The following ADGRL2 variants were observed in gnomAD, a reference collection of about 807,000 sequenced individuals.
ADGRL2 encodes the protein calcium-independent alpha-latrotoxin receptor 2.
In ADGRL2, 44 loss-of-function variants were observed where a neutral mutation model predicts 157.4. The observed-to-expected ratio is 0.28, with a 90% CI of 0.22 to 0.36. The LOEUF is 0.36. Among genes scored for constraint, ADGRL2 ranks in the 10% least tolerant of loss-of-function variants. The pLI is 1.00. For missense variants in ADGRL2, 1,510 were observed against 1,768.9 expected (o/e 0.85, Z 2.63); for synonymous variants, 585 against 624.7 (o/e 0.94, Z 0.95).
intron 2 of ADGRL2, among the ~76,000 whole-genome samples, chr1:81,580,355 C>T (rs927983969): frequency 6.6e-6 from 1 of 151,798 alleles, no homozygotes; most frequent in Non-Finnish European, 1.5e-5. Context: ...AACTGTGTCT[C>T]GGGGGCTGCC....
chr1:81,683,681 A>G (rs1333136968), intron 3 of ADGRL2, among the ~76,000 whole-genome samples: 1 of 151,770 alleles, frequency 6.6e-6, no homozygotes, highest in Non-Finnish European at 1.5e-5. Flanking sequence ...GTATGTATGT[A>G]CGTATGTATA....
chr1:81,441,216 T>C (rs10430060), intron 1 of ADGRL2, among the ~76,000 whole-genome samples: 1,927 of 152,312 alleles, frequency 0.013, 31 homozygotes, highest in East Asian at 0.04. Context: ...ATTATTAATA[T>C]GGCATATTGC....
At chr1:81,396,699 C>T (rs11163275) in intron 1 of ADGRL2, among the ~76,000 whole-genome samples, 68,777 of 151,934 alleles carry the variant, frequency 0.45, 16,927 homozygotes, top group East Asian at 0.87. Context: ...GGTTTTATAA[C>T]GAAGGGATAC....
At chr1:81,668,594 C>T (rs2148905913) in intron 3 of ADGRL2, among the ~76,000 whole-genome samples, 1 of 152,156 alleles carries the variant, frequency 6.6e-6, no homozygotes, top group Non-Finnish European at 1.5e-5. Flanking sequence ...GACGGAGTCT[C>T]ACTCTGTCAC....
intron 11 of ADGRL2, among the ~76,000 whole-genome samples, chr1:81,963,781 T>G (rs1044242519): frequency 6.6e-6 from 1 of 151,378 alleles, no homozygotes; most frequent in Non-Finnish European, 1.5e-5. Context: ...TATTAAAGAT[T>G]TTTTGCATCA....
chr1:81,989,232 G>T (rs1311154677), intron 23 of ADGRL2, among the ~76,000 whole-genome samples: 1 of 152,082 alleles, frequency 6.6e-6, no homozygotes, highest in Non-Finnish European at 1.5e-5. Context: ...TTCCTTTAGA[G>T]ATAAAAATAT....
intron 2 of ADGRL2, among the ~76,000 whole-genome samples, chr1:81,505,807 TA>T (rs544273636): frequency 6.6e-6 from 1 of 151,160 alleles, no homozygotes; most frequent in Non-Finnish European, 1.5e-5. Context: ...GAGTTTTTAT[TA>T]AAAAAAAGCA....
intron 2 of ADGRL2, among the ~76,000 whole-genome samples, chr1:81,480,689 G>A (rs1027052822): frequency 2.3e-4 from 35 of 151,986 alleles, no homozygotes; most frequent in African/African-American, 7.7e-4. Context: ...CTTATATAAC[G>A]ACTAAGTGGT....
chr1:81,949,853 C>T lies in ADGRL2; in HGVS notation c.1211-336C>T, dbSNP rs566493273. 2.0e-5 allele frequency among the ~76,000 whole-genome samples: 3 copies of T among 152,084 alleles called. No individual in the cohort carries two copies. In the East Asian group the frequency reaches 5.8e-4, roughly 29 times the overall value. The stretch of plus-strand genomic sequence containing the variant: ...ATAGAATTTTTCTAAATTAAACTGT[C>T]CCACATTTCCTGTTAAACAGTATGT... On this transcript the variant is annotated intron_variant, in intron 6 of 23. Transcript: ENST00000686636.
At chr1:81,344,859 C>G (rs1270662830) in intron 1 of ADGRL2, among the ~76,000 whole-genome samples, 1 of 151,922 alleles carries the variant, frequency 6.6e-6, no homozygotes, top group Non-Finnish European at 1.5e-5. Flanking sequence ...TGTTTTTTCA[C>G]TTTTGTGTTA....
chr1:81,619,758 T>A (rs2148705924), intron 3 of ADGRL2, among the ~76,000 whole-genome samples: 1 of 148,250 alleles, frequency 6.7e-6, no homozygotes, highest in South Asian at 2.2e-4. Flanking sequence ...TGTGTGTGTG[T>A]GATGTTTTGT....
chr1:81,869,667 A>C (rs1245151129), intron 2 of ADGRL2, among the ~76,000 whole-genome samples: 1 of 152,068 alleles, frequency 6.6e-6, no homozygotes, highest in Non-Finnish European at 1.5e-5. Context: ...GGTGAATGTC[A>C]GTCACATTGA....
At chr1:81,568,060 G>A (rs764630773) in intron 2 of ADGRL2, among the ~76,000 whole-genome samples, 2 of 148,980 alleles carry the variant, frequency 1.3e-5, no homozygotes, top group South Asian at 2.1e-4. Context: ...CAATGGCTTC[G>A]AAAAAAAAAT....
intron 2 of ADGRL2, among the ~76,000 whole-genome samples, chr1:81,570,570 G>C (rs374303422): frequency 1.5e-3 from 222 of 152,134 alleles, no homozygotes; most frequent in African/African-American, 5.0e-3. Flanking sequence ...TGTATTTTTA[G>C]TAGAGACGGG....
chr1:81,498,071 G>A (rs959515058), intron 2 of ADGRL2, among the ~76,000 whole-genome samples: 3 of 152,094 alleles, frequency 2.0e-5, no homozygotes, highest in African/African-American at 7.2e-5. Flanking sequence ...ATAAATGAAT[G>A]TAGGAACCCT....
intron 1 of ADGRL2, among the ~76,000 whole-genome samples, chr1:81,348,675 A>C (rs980819237): frequency 6.6e-6 from 1 of 152,194 alleles, no homozygotes; most frequent in African/African-American, 2.4e-5. Context: ...AAGGTCTAAC[A>C]ATGAATAGGT....
intron 2 of ADGRL2, among the ~76,000 whole-genome samples, chr1:81,894,044 AAT>A (rs2094328659): frequency 6.6e-6 from 1 of 152,194 alleles, no homozygotes; most frequent in Admixed American, 6.5e-5. Flanking sequence ...TATCACAGTT[AAT>A]AGACTACTTC....
chr1:81,351,953 G>T (rs912562072), intron 1 of ADGRL2, among the ~76,000 whole-genome samples: 2 of 152,206 alleles, frequency 1.3e-5, no homozygotes, highest in South Asian at 4.1e-4. Context: ...TCAGTGGCAG[G>T]TAGCCAAAAC....
At position 81,992,522 on chromosome 1, in the gene ADGRL2, A is replaced by T. The variant is rs1267984414; in HGVS notation, c.*1377A>T. 1.3e-5 allele frequency: 2 copies of T among 152,438 alleles called. No homozygotes were observed. Among genetic ancestry groups the T allele is most frequent in the African/African-American group, 4.8e-5 (2 of 41,452 alleles). The allele number at this position is 152,438 out of a possible 1,614,324, so 9.4% of individuals were successfully genotyped here. A position where few individuals can be genotyped will look rare whatever the true frequency, so the allele number is the denominator to read the frequency against. Reference sequence around the variant, plus strand: ...TAACGTCATACCAAAGTCCATGGATATATGAAAGGATACAATTAAGTTGCC... The same window carrying T: ...TAACGTCATACCAAAGTCCATGGATTTATGAAAGGATACAATTAAGTTGCC... On this transcript the variant is annotated 3_prime_UTR_variant, in exon 24 of 24. Coordinates refer to ENST00000686636, the MANE Select transcript of ADGRL2 (RefSeq NM_001366006.2).
Sources: allele counts gnomAD v4.1 joint callset (sites outside exome capture counted in the v4.1 genomes callset), GRCh38; gene constraint gnomAD v4.1.1; transcripts MANE v1.5; gene names NCBI Gene and HGNC (gene_info 2026-07-23, HGNC 2026-07-21).